LETM1: variants seen among roughly 807,000 people sequenced by gnomAD.
LETM1 encodes leucine zipper and EF-hand containing transmembrane protein 1.
In LETM1, 50 loss-of-function variants were observed where a neutral mutation model predicts 74.5. That is an observed-to-expected ratio of 0.67 (90% CI 0.53 to 0.85). The LOEUF (loss-of-function observed/expected upper bound fraction) is 0.85, where lower values mean the gene tolerates loss of function less well. Ranked by LOEUF, LETM1 falls within the 40% of genes least tolerant of loss-of-function variation. The pLI is 0.00. For synonymous variants in LETM1, 446 were observed against 407.1 expected, an observed-to-expected ratio of 1.10 and a Z score of -1.15; for missense variants, 824 against 967.8, an observed-to-expected ratio of 0.85 and a Z score of 1.97.
At chr4:1,841,940 C>G in intron 2 of LETM1, 143 bp from the exon 3 acceptor site, 1 of 684,606 alleles carries the variant, frequency 1.5e-6, no homozygotes, top group African/African-American at 1.8e-5. Context: ...TACTTCCTGA[C>G]GTTTTGCACT....
intron 6 of LETM1, among the ~76,000 whole-genome samples, chr4:1,827,478 T>G (rs1196306048): frequency 1.4e-4 from 16 of 111,030 alleles, no homozygotes; most frequent in Non-Finnish European, 2.5e-4. Context: ...AGATTAGGGA[T>G]TGGTGATGAC....
intron 1 of LETM1, among the ~76,000 whole-genome samples, chr4:1,855,302 T>A (rs932510042): frequency 6.6e-6 from 1 of 152,226 alleles, no homozygotes; most frequent in Non-Finnish European, 1.5e-5. Flanking sequence ...CACCTGAGGC[T>A]AGGGGGGCTA....
intron 1 of LETM1, among the ~76,000 whole-genome samples, chr4:1,850,315 A>G (rs1268547223): frequency 6.6e-6 from 1 of 152,116 alleles, no homozygotes; most frequent in Non-Finnish European, 1.5e-5. Context: ...CTAAAAAAAG[A>G]TGGGAAGCCT....
Position 1,836,683 on chromosome 4 carries a change from T to A in LETM1, c.595-111A>T. The stretch of plus-strand genomic sequence containing the variant: ...TATAGGCACAACCTCAGGCAGCGAC[T>A]CACAGGACCCACTGAGGACTCTAAG... On this transcript the variant is annotated intron_variant, in intron 3 of 13. Coordinates refer to ENST00000302787, the MANE Select transcript of LETM1 (RefSeq NM_012318.3). This position sits in a 1 kb window ranked among gnomAD's most constrained non-coding sequence, Gnocchi z 5.8. 8.5e-7 allele frequency: 1 copy of A among 1,170,686 alleles called. No homozygotes were observed. The highest frequency in any genetic ancestry group is 1.2e-6 in the Non-Finnish European group (1 of 819,824). The allele number at this position is 1,170,686 out of a possible 1,614,324, so 72.5% of individuals were successfully genotyped here. A position where few individuals can be genotyped will look rare whatever the true frequency, so the allele number is the denominator to read the frequency against.
intron 2 of LETM1, chr4:1,843,028 T>A: frequency 2.6e-6 from 1 of 381,150 alleles, no homozygotes; most frequent in African/African-American, 2.1e-5. Flanking sequence ...GTGTGTCGCA[T>A]AACTTCACAT....
rs1712395642 is a variant in LETM1, at chr4:1,834,526, C to A, written c.876+319G>T. The A allele has an allele frequency of 1.8e-6, 2 of 1,120,512 alleles. No individual in the cohort carries two copies. The highest frequency in any genetic ancestry group is 2.2e-6 in the Non-Finnish European group (2 of 913,988). 69.4% of individuals were successfully genotyped at this position (1,120,512 alleles called of 1,614,324 possible). Reference sequence around the variant, plus strand: ...CCAGCAGAGGAGCCCGGCCAAGCCACCCACACCTCACACCATCAGGGTCTC... The same window carrying A: ...CCAGCAGAGGAGCCCGGCCAAGCCAACCACACCTCACACCATCAGGGTCTC... On this transcript the variant is annotated intron_variant, in intron 5 of 13. Coordinates refer to ENST00000302787, the MANE Select transcript of LETM1 (RefSeq NM_012318.3). The surrounding 1 kb of genome is among the most constrained non-coding windows in gnomAD (Gnocchi z 5.0).
At chr4:1,833,909 A>C (rs973120849) in intron 5 of LETM1, 1 of 152,346 alleles carries the variant, frequency 6.6e-6, no homozygotes, top group African/African-American at 2.4e-5. Flanking sequence ...TGGGCGGCCC[A>C]GGAAAGGTTG....
intron 2 of LETM1, among the ~76,000 whole-genome samples, chr4:1,847,769 A>C (rs1412514484): frequency 1.4e-5 from 2 of 138,256 alleles, no homozygotes; most frequent in South Asian, 4.6e-4. Flanking sequence ...GGTTGCAGTG[A>C]GCCGAGATTG....
chr4:1,834,744 C>T lies in LETM1; in HGVS notation c.876+101G>A. 1 of 1,541,300 alleles carries T rather than the reference C, an allele frequency of 6.5e-7. No homozygotes were observed. On this transcript the variant is annotated intron_variant, in intron 5 of 13. Coordinates refer to ENST00000302787, the MANE Select transcript of LETM1 (RefSeq NM_012318.3). This position sits in a 1 kb window ranked among gnomAD's most constrained non-coding sequence, Gnocchi z 5.0. ...GGGTAAACTTTCAAGCGCCAGCCAG[C>T]ACCTGGGGGAGCTCCACTCTGCTGA...
At chr4:1,843,758 C>T (rs1712785953) in intron 2 of LETM1, among the ~76,000 whole-genome samples, 1 of 152,186 alleles carries the variant, frequency 6.6e-6, no homozygotes, top group Non-Finnish European at 1.5e-5. Flanking sequence ...CAGCCCCAGC[C>T]ACCATGTCTC....
chr4:1,835,052 G>A (rs1045642328), intron 4 of LETM1, 70 bp from the exon 5 acceptor site: 22 of 1,489,108 alleles, frequency 1.5e-5, no homozygotes, highest in Non-Finnish European at 1.7e-5. Context: ...AACATCTCAC[G>A]CCTGTGCCCG....
chr4:1,841,955 G>A (rs565510337), intron 2 of LETM1, among the ~76,000 whole-genome samples, 158 bp from the exon 3 acceptor site: 6 of 152,242 alleles, frequency 3.9e-5, no homozygotes, highest in East Asian at 1.9e-4. Context: ...TGCACTGCCC[G>A]CTGGGGAGCC....
Position 1,823,213 on chromosome 4 carries a change from T to C in LETM1, c.1333-82A>G, listed in dbSNP as rs567086986. The C allele has an allele frequency of 1.4e-5, 20 of 1,472,484 alleles. 1 individual carries two copies. Among genetic ancestry groups the C allele is most frequent in the South Asian group, 2.7e-5 (2 of 73,742 alleles). 91.2% of individuals were successfully genotyped at this position (1,472,484 alleles called of 1,614,324 possible). ...CCCCTCACCTCTGTCCTGTGTCCTG[T>C]GTCCCCTGCCCCGTCACCACCTGGG... On this transcript the variant is annotated intron_variant, in intron 8 of 13. Coordinates refer to ENST00000302787, the MANE Select transcript of LETM1 (RefSeq NM_012318.3).
At chr4:1,826,404 G>C (rs1188421172) in intron 6 of LETM1, among the ~76,000 whole-genome samples, 5 of 152,202 alleles carry the variant, frequency 3.3e-5, no homozygotes, top group Non-Finnish European at 7.3e-5. Flanking sequence ...AAGTAACAAA[G>C]CTCCCATGCA....
intron 1 of LETM1, among the ~76,000 whole-genome samples, chr4:1,855,084 G>A (rs903432395): frequency 6.6e-6 from 1 of 152,156 alleles, no homozygotes; most frequent in Non-Finnish European, 1.5e-5. Context: ...CAACTTGGGA[G>A]GCTGAGGCAG....
rs934411667 is a variant in LETM1 at position 1,840,518 on chromosome 4, T to C, written c.594+829A>G. The stretch of plus-strand genomic sequence containing the variant: ...CCGTCTCTACTAAAAATACAAAAAA[T>C]TAGCCGGGCGTGGTGGCGGGTGCCT... On this transcript the variant is annotated intron_variant, in intron 3 of 13. Transcript: ENST00000302787. 9.2e-5 allele frequency among the ~76,000 whole-genome samples: 14 copies of C among 151,644 alleles called. No homozygotes were observed. The East Asian group carries it at 1.2e-3, about 13-fold the overall frequency.
At chr4:1,825,504 T>A in intron 7 of LETM1, 60 bp downstream of exon 7, 1 of 1,571,952 alleles carries the variant, frequency 6.4e-7, no homozygotes, top group Non-Finnish European at 8.7e-7. Flanking sequence ...GAGTGGCCTT[T>A]CGAGGCTGAT....
At chr4:1,827,799 T>C (rs1476022550) in intron 6 of LETM1, among the ~76,000 whole-genome samples, 45 of 150,766 alleles carry the variant, frequency 3.0e-4, no homozygotes, top group African/African-American at 1.1e-3. Flanking sequence ...CAATGAGCTG[T>C]TGGGCACACC....
At chr4:1,827,274 CTTTTTTT>C (rs759264558) in intron 6 of LETM1, among the ~76,000 whole-genome samples, 13 of 103,746 alleles carry the variant, frequency 1.3e-4, no homozygotes, top group Non-Finnish European at 2.1e-4. Context: ...ATTGACAGTT[CTTTTTTT>C]TTTTTTTTTT....
Sources: gnomAD v4.1 joint callset for allele counts (sites outside exome capture counted in the v4.1 genomes callset) on GRCh38, gnomAD v4.1.1 for gene constraint, Gnocchi (gnomAD v3.1) non-coding constraint, MANE v1.5 for transcripts, NCBI Gene and HGNC (gene_info 2026-07-23, HGNC 2026-07-21) for gene names.